Variants in ABLIM1 observed in about 807,000 individuals in gnomAD.
ABLIM1 encodes actin binding LIM protein 1, also known as actin-binding LIM protein 1.
In ABLIM1, 40 loss-of-function variants were observed where a neutral mutation model predicts 107.0. The observed-to-expected ratio is 0.37, with a 90% CI of 0.29 to 0.49. ABLIM1 has a LOEUF of 0.49. Ranked by LOEUF, ABLIM1 falls within the 20% of genes least tolerant of loss-of-function variation. ABLIM1 has a pLI of 0.97. For missense variants in ABLIM1, 857 were observed against 1,008.5 expected, an observed-to-expected ratio of 0.85 and a Z score of 2.04; for synonymous variants, 357 against 357.3, an observed-to-expected ratio of 1.00 and a Z score of 0.01.
At chr10:114,614,600 C>T (rs1354405849) in intron 1 of ABLIM1, among the ~76,000 whole-genome samples, 3 of 152,178 alleles carry the variant, frequency 2.0e-5, no homozygotes, top group Non-Finnish European at 4.4e-5. Context: ...GCCCCACTCA[C>T]AAGGGAGTTT....
At chr10:114,783,547 AG>A in the ABLIM1 span, among the ~76,000 whole-genome samples, 5 of 152,234 alleles carry the variant, frequency 3.3e-5, no homozygotes, top group Non-Finnish European at 7.4e-5. Flanking sequence ...AGCGCATGAA[AG>A]GAAGAAGAAA....
intron 1 of ABLIM1, among the ~76,000 whole-genome samples, chr10:114,734,557 C>A (rs981715060): frequency 1.3e-5 from 2 of 152,132 alleles, no homozygotes; most frequent in African/African-American, 2.4e-5. Flanking sequence ...CCCACCTCAC[C>A]CTCTGTTTTC....
rs144991125 is a variant in ABLIM1, at chr10:114,615,239, C to G, written c.245-13278G>C. Among the ~76,000 whole-genome samples, 663 of 152,102 alleles carry G rather than the reference C, an allele frequency of 4.4e-3. 7 individuals carry two copies. Among genetic ancestry groups the G allele is most frequent in the African/African-American group, 0.015 (621 of 41,500 alleles). Reference sequence around the variant, plus strand: ...GCCCTATGGAAGATGCGCTCTGGCCCCACCACCTCTTCCAGCCTCTTCTCA... The same window carrying G: ...GCCCTATGGAAGATGCGCTCTGGCCGCACCACCTCTTCCAGCCTCTTCTCA... On this transcript the variant is annotated intron_variant, in intron 1 of 22. Transcript: ENST00000533213.
chr10:114,465,424 C>T lies in ABLIM1; in HGVS notation c.1441+274G>A, dbSNP rs1245200262. On this transcript the variant is annotated intron_variant, in intron 12 of 22. Coordinates refer to ENST00000533213, the MANE Select transcript of ABLIM1 (RefSeq NM_002313.7). ...TCAAAGTGAAGAGATTTTTGTTAAT[C>T]GTAAAAAAATTTTTAAAAAAACCCC... 2.8e-5 allele frequency: 7 copies of T among 247,362 alleles called. No individual in the cohort carries two copies. In the East Asian group the frequency reaches 4.8e-4, roughly 17 times the overall value. 15.3% of individuals were successfully genotyped at this position (247,362 alleles called of 1,614,324 possible). A position where few individuals can be genotyped will look rare whatever the true frequency, so the allele number is the denominator to read the frequency against.
At chr10:114,564,855 G>GACCAGGAA (rs1230467761) in intron 4 of ABLIM1, among the ~76,000 whole-genome samples, 54 of 152,136 alleles carry the variant, frequency 3.5e-4, no homozygotes, top group African/African-American at 1.1e-3. Context: ...GTATCTCTAG[G>GACCAGGAA]CTCAAGTTCC....
At chr10:114,542,515 A>G (rs1038319314) in intron 6 of ABLIM1, among the ~76,000 whole-genome samples, 1 of 151,642 alleles carries the variant, frequency 6.6e-6, no homozygotes. Flanking sequence ...AGAAGAAATT[A>G]GAAGGAAGAA....
At chr10:114,565,788 C>T (rs201591369) in intron 4 of ABLIM1, among the ~76,000 whole-genome samples, 130 of 101,044 alleles carry the variant, frequency 1.3e-3, no homozygotes, top group South Asian at 2.4e-3. Context: ...GAAATGATTT[C>T]TTTTTTTTTT....
intron 2 of ABLIM1, among the ~76,000 whole-genome samples, chr10:114,582,269 CCACA>C (rs2073478672): frequency 6.6e-6 from 1 of 151,936 alleles, no homozygotes. Context: ...TTTACAATAG[CCACA>C]CACACAAAAA....
At chr10:114,491,012 G>GTGTGTGTGTGTGTGTGTGTATA in intron 7 of ABLIM1, among the ~76,000 whole-genome samples, 13 of 92,386 alleles carry the variant, frequency 1.4e-4, no homozygotes, top group African/African-American at 3.2e-4. Flanking sequence ...GTGTGTGTGT[G>GTGTGTGTGTGTGTGTGTGTATA]TATATATATA....
At chr10:114,514,503 G>A (rs1041837806) in intron 6 of ABLIM1, among the ~76,000 whole-genome samples, 16 of 151,944 alleles carry the variant, frequency 1.1e-4, no homozygotes, top group African/African-American at 3.4e-4. Context: ...CTCCCAAGTA[G>A]TTGGGTCTAC....
At position 114,700,166 on chromosome 10, in the gene ABLIM1, T is replaced by G. The variant is rs187447383; in HGVS notation, c.-213+67895A>C. Among the ~76,000 whole-genome samples the G allele has an allele frequency of 1.8e-3, 273 of 152,260 alleles. 2 individuals carry two copies. Among genetic ancestry groups the G allele is most frequent in the African/African-American group, 6.2e-3 (258 of 41,552 alleles). ...AATACATTTCCAGATGCATAAGCAA[T>G]AAGTTAATTCATTACATATGAAGGA... On this transcript the variant is annotated intron_variant, in intron 1 of 15. Coordinates refer to the ABLIM1 transcript ENST00000651092.
chr10:114,610,203 T>C (rs1469184119), intron 1 of ABLIM1, among the ~76,000 whole-genome samples: 2 of 152,222 alleles, frequency 1.3e-5, no homozygotes, highest in South Asian at 2.1e-4. Flanking sequence ...CAGCCATTTA[T>C]GGGAGAAGAA....
intron 2 of ABLIM1, among the ~76,000 whole-genome samples, chr10:114,599,509 C>T (rs1353817759): frequency 2.6e-5 from 4 of 152,104 alleles, no homozygotes; most frequent in East Asian, 1.9e-4. Context: ...CAGTGGCTCA[C>T]GCCTGTAATC....
intron 4 of ABLIM1, among the ~76,000 whole-genome samples, chr10:114,553,834 G>A (rs965048518): frequency 3.9e-5 from 6 of 152,214 alleles, no homozygotes; most frequent in African/African-American, 1.2e-4. Context: ...CAGAAGTGAT[G>A]TGGTGTGAAT....
intron 16 of ABLIM1, 131 bp downstream of exon 16, chr10:114,445,181 G>T: frequency 1.3e-6 from 1 of 774,202 alleles, no homozygotes; most frequent in Non-Finnish European, 2.2e-6. Flanking sequence ...TTGCCTGCCA[G>T]ATTTCAAGCC....
chr10:114,542,901 C>A (rs1488516010), intron 6 of ABLIM1, among the ~76,000 whole-genome samples: 2 of 152,212 alleles, frequency 1.3e-5, no homozygotes, highest in Non-Finnish European at 2.9e-5. Flanking sequence ...CTCCAACAGC[C>A]TTCCTGGGGA....
chr10:114,486,189 G>C (rs2058166370), intron 8 of ABLIM1, among the ~76,000 whole-genome samples: 1 of 152,194 alleles, frequency 6.6e-6, no homozygotes, highest in Non-Finnish European at 1.5e-5. Context: ...GATGTTATCA[G>C]AGTGTTGTTG....
At chr10:114,444,210 T>C (rs2139317230) in intron 16 of ABLIM1, 76 bp from the exon 17 acceptor site, 6 of 1,277,324 alleles carry the variant, frequency 4.7e-6, no homozygotes, top group Admixed American at 2.3e-5. Flanking sequence ...CTGCAGTTTC[T>C]TTGTAGCAGA....
At chr10:114,476,214 T>G (rs902768614) in intron 8 of ABLIM1, among the ~76,000 whole-genome samples, 2 of 152,216 alleles carry the variant, frequency 1.3e-5, no homozygotes, top group Non-Finnish European at 2.9e-5. Flanking sequence ...GCATCACTTC[T>G]GGGCCTCCTC....
Sources: gnomAD v4.1 joint callset for allele counts (sites outside exome capture counted in the v4.1 genomes callset) on GRCh38, gnomAD v4.1.1 for gene constraint, MANE v1.5 for transcripts, NCBI Gene and HGNC (gene_info 2026-07-23, HGNC 2026-07-21) for gene names.